The following GADL1 variants were observed in gnomAD, a reference collection of about 807,000 sequenced individuals.
GADL1 encodes acidic amino acid decarboxylase GADL1.
A neutral mutation model predicts 69.5 loss-of-function variants in GADL1; 71 were observed. The observed-to-expected ratio is 1.02, with a 90% confidence interval of 0.84 to 1.25. The LOEUF is 1.25. Ranked by LOEUF, GADL1 falls within the 50% of genes most tolerant of loss-of-function variation. The probability of loss-of-function intolerance (pLI) is 0.00; values close to 1 mark genes in which losing one functional copy is unlikely to be tolerated. For synonymous variants in GADL1, 254 were observed against 214.4 expected (o/e 1.18, Z -1.62); for missense variants, 737 against 631.8 (o/e 1.17, Z -1.79).
intron 1 of GADL1, among the ~76,000 whole-genome samples, chr3:30,888,614 A>G (rs949382694): frequency 1.3e-5 from 2 of 152,176 alleles, no homozygotes; most frequent in Non-Finnish European, 2.9e-5. Flanking sequence ...TACTGCCTTC[A>G]AATCAAGAGA....
intron 11 of GADL1, among the ~76,000 whole-genome samples, chr3:30,816,625 A>C (rs1353014354): frequency 1.5e-5 from 2 of 130,132 alleles, no homozygotes; most frequent in South Asian, 2.5e-4. Context: ...GGCTCACTGC[A>C]ACCTCCGCCT....
intron 14 of GADL1, among the ~76,000 whole-genome samples, chr3:30,733,881 CT>C (rs1695503671): frequency 6.6e-6 from 1 of 152,108 alleles, no homozygotes; most frequent in Non-Finnish European, 1.5e-5. Flanking sequence ...CTTTGATGGG[CT>C]TTCCCCGTGC....
At chr3:30,869,401 A>C (rs1047931758) in intron 1 of GADL1, among the ~76,000 whole-genome samples, 2 of 151,864 alleles carry the variant, frequency 1.3e-5, no homozygotes, top group African/African-American at 4.8e-5. Context: ...GGAAATATTA[A>C]GAAATAACAA....
intron 14 of GADL1, among the ~76,000 whole-genome samples, chr3:30,747,568 G>T (rs1317939027): frequency 6.6e-6 from 1 of 152,178 alleles, no homozygotes; most frequent in Non-Finnish European, 1.5e-5. Context: ...CTTTGGAAAA[G>T]ACAGTCTCCA....
chr3:30,886,248 T>A (rs1367001104), intron 1 of GADL1, among the ~76,000 whole-genome samples: 1 of 152,090 alleles, frequency 6.6e-6, no homozygotes, highest in Admixed American at 6.5e-5. Flanking sequence ...CTTCATGCTT[T>A]TTTCTGGAAT....
intron 11 of GADL1, among the ~76,000 whole-genome samples, chr3:30,805,717 C>T (rs565404861): frequency 3.0e-5 from 4 of 133,776 alleles, no homozygotes; most frequent in Admixed American, 3.0e-4. Context: ...GGATTCTGTG[C>T]ACCAGCAGTC....
rs556019731 is a variant in GADL1 at position 30,756,329 on chromosome 3, C to G, written c.1392+21850G>C. On this transcript the variant is annotated intron_variant, in intron 14 of 14. Transcript: ENST00000282538. ...AGAAGGAAATTGACTATCTAGGATTCGTTGCCAAGTCCAAGTGAGATTGTG... is the reference window on the plus strand; with the variant it reads ...AGAAGGAAATTGACTATCTAGGATTGGTTGCCAAGTCCAAGTGAGATTGTG... 4.9e-3 allele frequency among the ~76,000 whole-genome samples: 748 copies of G among 152,216 alleles called. 5 individuals are homozygous for G. Among genetic ancestry groups the G allele is most frequent in the African/African-American group, 0.017 (712 of 41,530 alleles).
At chr3:30,861,387 C>G (rs111777563) in intron 2 of GADL1, among the ~76,000 whole-genome samples, 3,693 of 151,786 alleles carry the variant, frequency 0.024, 60 homozygotes, top group Non-Finnish European at 0.035. Context: ...CGAATGATGA[C>G]TGGCAGAGTA....
intron 11 of GADL1, among the ~76,000 whole-genome samples, chr3:30,825,928 T>A (rs191365778): frequency 2.6e-5 from 4 of 151,940 alleles, no homozygotes; most frequent in Admixed American, 2.6e-4. Flanking sequence ...ATCCCAGAAC[T>A]TAAAAATAGA....
At chr3:30,765,614 G>C (rs573915366) in intron 14 of GADL1, among the ~76,000 whole-genome samples, 1 of 152,248 alleles carries the variant, frequency 6.6e-6, no homozygotes, top group African/African-American at 2.4e-5. Context: ...GGGCATGCTT[G>C]GTTTAATGCT....
rs957923397 is a variant in GADL1, at chr3:30,746,531, G to A, written c.1393-18116C>T. Among the ~76,000 whole-genome samples the A allele has an allele frequency of 2.6e-5, 4 of 152,264 alleles. No individual in the cohort carries two copies. The South Asian group carries it at 8.3e-4, about 32-fold the overall frequency. On this transcript the variant is annotated intron_variant, in intron 14 of 14. Transcript: ENST00000282538. ...CAGGGGCATAAAAAACAGCACTAGG[G>A]CTGTGATAAGGGTAATAAGGTGACA...
chr3:30,785,913 T>C (rs1246953611), intron 13 of GADL1, among the ~76,000 whole-genome samples: 1 of 152,198 alleles, frequency 6.6e-6, no homozygotes, highest in Non-Finnish European at 1.5e-5. Flanking sequence ...CAATCCAACA[T>C]CAGCAAAATG....
chr3:30,889,092 A>T (rs1172186439), intron 1 of GADL1, among the ~76,000 whole-genome samples: 3 of 145,696 alleles, frequency 2.1e-5, no homozygotes, highest in African/African-American at 7.5e-5. Flanking sequence ...TATAAAAAAA[A>T]AAAAAAAAAA....
At chr3:30,842,245 A>G (rs1337547744) in intron 8 of GADL1, among the ~76,000 whole-genome samples, 1 of 152,226 alleles carries the variant, frequency 6.6e-6, no homozygotes, top group African/African-American at 2.4e-5. Flanking sequence ...ATTAAAAATT[A>G]TATTTTAAAC....
intron 11 of GADL1, 30 bp from the exon 12 acceptor site, chr3:30,801,118 T>C: frequency 6.5e-7 from 1 of 1,541,600 alleles, no homozygotes; most frequent in Non-Finnish European, 9.0e-7. Flanking sequence ...ACAAGACTGT[T>C]AAACTTTAGA....
chr3:30,836,348 C>G (rs1041487606), intron 9 of GADL1, among the ~76,000 whole-genome samples: 1 of 150,594 alleles, frequency 6.6e-6, no homozygotes, highest in Non-Finnish European at 1.5e-5. Context: ...CACCACTTCA[C>G]AAAGTACTTT....
chr3:30,835,321 G>C (rs1697856641), intron 9 of GADL1, among the ~76,000 whole-genome samples: 2 of 152,026 alleles, frequency 1.3e-5, no homozygotes, highest in South Asian at 4.1e-4. Context: ...GGGTTGCTTA[G>C]GATGTAGCAA....
chr3:30,853,621 C>T (rs1006181571), intron 4 of GADL1, among the ~76,000 whole-genome samples: 1 of 152,110 alleles, frequency 6.6e-6, no homozygotes, highest in Non-Finnish European at 1.5e-5. Flanking sequence ...AACCAGTTCC[C>T]TCTCCCAGTG....
At chr3:30,800,831 AC>A in intron 12 of GADL1, 57 bp downstream of exon 12, 2 of 1,165,646 alleles carry the variant, frequency 1.7e-6, no homozygotes, top group Non-Finnish European at 1.2e-6. Context: ...ACACACACAC[AC>A]ACACACACAC....
Sources: allele counts gnomAD v4.1 joint callset (sites outside exome capture counted in the v4.1 genomes callset), GRCh38; gene constraint gnomAD v4.1.1; transcripts MANE v1.5; gene names NCBI Gene and HGNC (gene_info 2026-07-23, HGNC 2026-07-21).